ATRNL1: variants seen among roughly 807,000 people sequenced by gnomAD.
ATRNL1 encodes attractin like 1.
ATRNL1 carries 95 observed loss-of-function variants against 182.7 expected under a neutral mutation model. That is an observed-to-expected ratio of 0.52 (90% CI 0.44 to 0.62). ATRNL1 has a LOEUF of 0.62. Ranked by LOEUF, ATRNL1 falls within the 20% of genes least tolerant of loss-of-function variation. The probability of loss-of-function intolerance (pLI) is 0.00; values close to 1 mark genes in which losing one functional copy is unlikely to be tolerated. For missense variants in ATRNL1, 1,471 were observed against 1,679.5 expected, an observed-to-expected ratio of 0.88 and a Z score of 2.17; for synonymous variants, 576 against 568.3, an observed-to-expected ratio of 1.01 and a Z score of -0.19.
At chr10:115,551,132 T>A (rs2133813079) in intron 26 of ATRNL1, among the ~76,000 whole-genome samples, 1 of 151,826 alleles carries the variant, frequency 6.6e-6, no homozygotes, top group Non-Finnish European at 1.5e-5. Flanking sequence ...TTGAGCCCTA[T>A]AAATGTTTAC....
At chr10:115,229,591 C>T (rs1419419720) in intron 9 of ATRNL1, among the ~76,000 whole-genome samples, 1 of 151,856 alleles carries the variant, frequency 6.6e-6, no homozygotes, top group African/African-American at 2.4e-5. Flanking sequence ...TATATACGCA[C>T]ACAAGCACAC....
At chr10:115,652,005 A>G (rs2420096) in intron 26 of ATRNL1, among the ~76,000 whole-genome samples, 75,593 of 151,958 alleles carry the variant, frequency 0.5, 19,698 homozygotes, top group East Asian at 0.84. Flanking sequence ...TATGAAATAG[A>G]TTATAAGATT....
rs868945956 is a variant in ATRNL1, at chr10:115,420,039, A to T, written c.3270-6211A>T. Among the ~76,000 whole-genome samples, 760 of 127,894 alleles carry T rather than the reference A, an allele frequency of 5.9e-3. 1 individual carries two copies. The highest frequency in any genetic ancestry group is 9.5e-3 in the Non-Finnish European group (590 of 61,806). The allele number at this position is 127,894 out of a possible 152,430, so 83.9% of individuals were successfully genotyped here. A position where few individuals can be genotyped will look rare whatever the true frequency, so the allele number is the denominator to read the frequency against. On this transcript the variant is annotated intron_variant, in intron 20 of 28. Transcript: ENST00000355044. ...TAAGGGCACAAAACATGTCTTAACA[A>T]TTTTTTTTTTTTTTTTTTTTTGAGA...
At chr10:115,546,873 A>G (rs1852686103) in intron 25 of ATRNL1, among the ~76,000 whole-genome samples, 1 of 152,198 alleles carries the variant, frequency 6.6e-6, no homozygotes, top group South Asian at 2.1e-4. Context: ...GAAAACCTGT[A>G]TATTCTTTAA....
chr10:115,431,520 C>G (rs1554963965), intron 21 of ATRNL1, among the ~76,000 whole-genome samples: 1 of 151,932 alleles, frequency 6.6e-6, no homozygotes, highest in African/African-American at 2.4e-5. Flanking sequence ...TTGCTTATTG[C>G]TACAGTTCGC....
chr10:115,577,537 A>G (rs1047621291), intron 26 of ATRNL1, among the ~76,000 whole-genome samples: 1 of 151,674 alleles, frequency 6.6e-6, no homozygotes, highest in African/African-American at 2.4e-5. Context: ...TTGTTGATAC[A>G]AAGAAATGCA....
intron 7 of ATRNL1, among the ~76,000 whole-genome samples, chr10:115,167,758 T>C (rs1173850813): frequency 2.0e-5 from 3 of 152,090 alleles, no homozygotes; most frequent in African/African-American, 7.2e-5. Flanking sequence ...ATTTTTTGCC[T>C]TGTTTTATTT....
At chr10:115,754,006 C>T (rs185526831) in intron 27 of ATRNL1, among the ~76,000 whole-genome samples, 5 of 152,138 alleles carry the variant, frequency 3.3e-5, no homozygotes, top group Admixed American at 3.3e-4. Context: ...ATCCTTCACC[C>T]ACTTTTTAAT....
chr10:115,710,803 T>C (rs7095116), intron 26 of ATRNL1, among the ~76,000 whole-genome samples: 57,362 of 151,974 alleles, frequency 0.38, 11,756 homozygotes, highest in East Asian at 0.64. Flanking sequence ...TAAAATACCC[T>C]AATAAATCAT....
intron 8 of ATRNL1, among the ~76,000 whole-genome samples, chr10:115,192,718 T>A (rs1041596585): frequency 2.7e-5 from 4 of 149,616 alleles, no homozygotes; most frequent in Admixed American, 2.6e-4. Flanking sequence ...AAATCCGTTT[T>A]TTTGTGTATT....
rs139764204 is a variant in ATRNL1 at position 115,161,333 on chromosome 10, A to C, written c.1004+1119A>C. ...AAGTGGCAAATTAGAATTTTTTAAC[A>C]TGAAGAATAAAATACAGAAGGAAGA... On this transcript the variant is annotated intron_variant, in intron 6 of 28. Coordinates refer to ENST00000355044, the MANE Select transcript of ATRNL1 (RefSeq NM_207303.4). Among the ~76,000 whole-genome samples the C allele has an allele frequency of 6.1e-3, 932 of 152,164 alleles. 1 individual carries two copies. Among genetic ancestry groups the C allele is most frequent in the Non-Finnish European group, 0.011 (719 of 67,902 alleles).
chr10:115,590,081 A>G (rs1182814457), intron 26 of ATRNL1, among the ~76,000 whole-genome samples: 3 of 152,214 alleles, frequency 2.0e-5, no homozygotes, highest in African/African-American at 7.2e-5. Context: ...AATTAAAAGC[A>G]TTGACTCCTC....
At chr10:115,647,148 C>T (rs1253086589) in intron 26 of ATRNL1, among the ~76,000 whole-genome samples, 117 of 152,082 alleles carry the variant, frequency 7.7e-4, no homozygotes, top group African/African-American at 1.5e-3. Context: ...TTTATGGCTG[C>T]GTAGTATTCC....
intron 18 of ATRNL1, among the ~76,000 whole-genome samples, chr10:115,316,326 T>C (rs189746113): frequency 6.6e-6 from 1 of 152,318 alleles, no homozygotes. Context: ...CCATGGTGTA[T>C]ACGAACCACA....
intron 6 of ATRNL1, among the ~76,000 whole-genome samples, chr10:115,160,446 A>G (rs1328322672): frequency 1.3e-5 from 2 of 151,902 alleles, no homozygotes; most frequent in Admixed American, 6.6e-5. Flanking sequence ...CTTTTAATAA[A>G]TTCTGAGTAA....
intron 26 of ATRNL1, among the ~76,000 whole-genome samples, chr10:115,641,005 C>A (rs994172189): frequency 2.0e-4 from 30 of 152,178 alleles, no homozygotes; most frequent in African/African-American, 7.2e-4. Flanking sequence ...GCCAGTTTTC[C>A]CAGCACCATT....
At chr10:115,498,410 G>A (rs1849656573) in intron 24 of ATRNL1, among the ~76,000 whole-genome samples, 1 of 151,714 alleles carries the variant, frequency 6.6e-6, no homozygotes, top group Non-Finnish European at 1.5e-5. Flanking sequence ...TCTCAACTTG[G>A]GTTTTAAAAT....
intron 10 of ATRNL1, among the ~76,000 whole-genome samples, chr10:115,261,048 C>T (rs1237380974): frequency 2.6e-5 from 4 of 151,902 alleles, no homozygotes; most frequent in Non-Finnish European, 5.9e-5. Context: ...ACAAAAGACT[C>T]ACAGCAAAGC....
At chr10:115,560,340 C>T (rs1853623308) in intron 26 of ATRNL1, among the ~76,000 whole-genome samples, 1 of 152,128 alleles carries the variant, frequency 6.6e-6, no homozygotes, top group Non-Finnish European at 1.5e-5. Flanking sequence ...GAAACTTATT[C>T]ACTATCATGA....
Sources: allele counts gnomAD v4.1 joint callset (sites outside exome capture counted in the v4.1 genomes callset), GRCh38; gene constraint gnomAD v4.1.1; transcripts MANE v1.5; gene names NCBI Gene and HGNC (gene_info 2026-07-23, HGNC 2026-07-21).